Variants in LHFPL2 observed in about 807,000 individuals in gnomAD.
LHFPL2 encodes the protein LHFPL tetraspan subfamily member 2, also known as LHFPL tetraspan subfamily member 2 protein.
A neutral mutation model predicts 17.5 loss-of-function variants in LHFPL2; 7 were observed. That is an observed-to-expected ratio of 0.40 (90% CI 0.23 to 0.75). The LOEUF (loss-of-function observed/expected upper bound fraction) is 0.75. Among genes scored for constraint, LHFPL2 ranks in the 30% least tolerant of loss-of-function variants. The probability of loss-of-function intolerance (pLI) is 0.37; values close to 1 mark genes in which losing one functional copy is unlikely to be tolerated. For synonymous variants in LHFPL2, 134 were observed against 116.2 expected (o/e 1.15, Z -0.99); for missense variants, 241 against 294.8 (o/e 0.82, Z 1.34).
chr5:78,604,276 G>A (rs996601364), intron 2 of LHFPL2, among the ~76,000 whole-genome samples: 4 of 151,930 alleles, frequency 2.6e-5, no homozygotes, highest in African/African-American at 4.8e-5. Flanking sequence ...TCAGAAGTTC[G>A]ACACCAGCCT....
chr5:78,591,584 C>G (rs1743628021), intron 2 of LHFPL2, among the ~76,000 whole-genome samples: 1 of 152,178 alleles, frequency 6.6e-6, no homozygotes, highest in East Asian at 1.9e-4. Context: ...CCGAGGCCAA[C>G]TCTGAGAAAA....
chr5:78,642,603 G>A (rs989669444), intron 1 of LHFPL2, among the ~76,000 whole-genome samples: 12 of 152,244 alleles, frequency 7.9e-5, no homozygotes, highest in Non-Finnish European at 1.5e-4. Context: ...AACACGCCAA[G>A]CAAGAGAGGG....
chr5:78,596,715 C>T (rs375231560), intron 2 of LHFPL2, among the ~76,000 whole-genome samples: 9 of 152,164 alleles, frequency 5.9e-5, no homozygotes, highest in African/African-American at 2.2e-4. Context: ...CAGCTAGGAA[C>T]CCAGAAAAGC....
chr5:78,515,242 A>T (rs7730100), intron 3 of LHFPL2, among the ~76,000 whole-genome samples: 62,037 of 123,102 alleles, frequency 0.5, 13,273 homozygotes, highest in African/African-American at 0.62. Flanking sequence ...TTTAGTCAAG[A>T]ATAGTCTTCC....
At chr5:78,562,699 A>AAT (rs762749238) in intron 3 of LHFPL2, among the ~76,000 whole-genome samples, 17 of 152,136 alleles carry the variant, frequency 1.1e-4, no homozygotes, top group Non-Finnish European at 1.9e-4. Flanking sequence ...CAATTAACTC[A>AAT]GAATGTCTGT....
chr5:78,490,475 A>G (rs938664857), intron 4 of LHFPL2, among the ~76,000 whole-genome samples: 2 of 152,068 alleles, frequency 1.3e-5, no homozygotes, highest in African/African-American at 4.8e-5. Context: ...TCTTTAGGCC[A>G]GGTGCAGTGG....
At chr5:78,646,564 T>C (rs961840783) in intron 1 of LHFPL2, among the ~76,000 whole-genome samples, 2 of 152,344 alleles carry the variant, frequency 1.3e-5, no homozygotes, top group African/African-American at 4.8e-5. Flanking sequence ...GGGAGCCCAA[T>C]AGCCCAAATT....
intron 2 of LHFPL2, among the ~76,000 whole-genome samples, chr5:78,618,521 G>A (rs1201017129): frequency 6.6e-6 from 1 of 152,218 alleles, no homozygotes; most frequent in Non-Finnish European, 1.5e-5. Context: ...AACATCCACT[G>A]AAGCGCCCAG....
intron 1 of LHFPL2, among the ~76,000 whole-genome samples, chr5:78,636,168 G>A (rs1745442752): frequency 6.6e-6 from 1 of 152,130 alleles, no homozygotes; most frequent in Non-Finnish European, 1.5e-5. Context: ...CTTGAAGAGT[G>A]CCCCACACTC....
chr5:78,531,332 T>C (rs1378036959), intron 3 of LHFPL2, among the ~76,000 whole-genome samples: 1 of 151,598 alleles, frequency 6.6e-6, no homozygotes, highest in Non-Finnish European at 1.5e-5. Context: ...GGAGAATCGC[T>C]TGAATCCACG....
At chr5:78,593,605 C>T (rs538400296) in intron 2 of LHFPL2, among the ~76,000 whole-genome samples, 1 of 152,118 alleles carries the variant, frequency 6.6e-6, no homozygotes, top group Non-Finnish European at 1.5e-5. Flanking sequence ...AACAGGTGAG[C>T]GTACTAAATC....
intron 2 of LHFPL2, among the ~76,000 whole-genome samples, chr5:78,580,096 C>T (rs1476909584): frequency 6.6e-6 from 1 of 152,032 alleles, no homozygotes; most frequent in Non-Finnish European, 1.5e-5. Flanking sequence ...TCTCTGATGG[C>T]CAGTGATGGT....
chr5:78,589,859 G>A (rs889854969), intron 2 of LHFPL2, among the ~76,000 whole-genome samples: 1 of 152,268 alleles, frequency 6.6e-6, no homozygotes, highest in South Asian at 2.1e-4. Flanking sequence ...TGCATGAATG[G>A]TGGCCATCCA....
rs560282445 is a variant in LHFPL2 at position 78,588,265 on chromosome 5, G to C, written c.-244-23394C>G. ...AGCTCACTGCTGCCTGCAACTCCTG[G>C]GATCAAGTGATCTTCCTGCCTCAGC... is the stretch of plus-strand genomic sequence containing the variant. On this transcript the variant is annotated intron_variant, in intron 2 of 4. Transcript: ENST00000380345. 1.8e-4 allele frequency among the ~76,000 whole-genome samples: 27 copies of C among 152,076 alleles called. No individual in the cohort carries two copies. In the South Asian group the frequency reaches 2.9e-3, roughly 16 times the overall value.
At chr5:78,489,613 G>C (rs908336708) in intron 4 of LHFPL2, among the ~76,000 whole-genome samples, 1 of 152,116 alleles carries the variant, frequency 6.6e-6, no homozygotes, top group South Asian at 2.1e-4. Flanking sequence ...GCCCAGGCTG[G>C]TCTCAAACTC....
intron 1 of LHFPL2, among the ~76,000 whole-genome samples, chr5:78,645,757 C>T (rs956370632): frequency 2.0e-5 from 3 of 152,062 alleles, no homozygotes; most frequent in Non-Finnish European, 4.4e-5. Context: ...TAATTTTTGT[C>T]TTTTTAGTAG....
intron 3 of LHFPL2, among the ~76,000 whole-genome samples, chr5:78,538,222 C>T (rs1756006736): frequency 6.6e-6 from 1 of 152,242 alleles, no homozygotes; most frequent in African/African-American, 2.4e-5. Context: ...GTGAGACACA[C>T]TTGCTGCTCC....
In LHFPL2 at chr5:78,564,795, G is replaced by C. The variant is rs974409023; in HGVS notation, c.-186+18C>G. Reference sequence around the variant, plus strand: ...AAATAATCACCAACAATAAGGTCATGTGATTTCATTTACTTACCTATTTAT... The same window carrying C: ...AAATAATCACCAACAATAAGGTCATCTGATTTCATTTACTTACCTATTTAT... On this transcript the variant is annotated intron_variant, in intron 3 of 4. Transcript: ENST00000380345. The C allele has an allele frequency of 1.3e-5, 2 of 152,222 alleles. No individual in the cohort carries two copies. Among genetic ancestry groups the C allele is most frequent in the Non-Finnish European group, 2.9e-5 (2 of 68,050 alleles). The allele number at this position is 152,222 out of a possible 1,614,324, so 9.4% of individuals were successfully genotyped here.
chr5:78,497,426 T>G (rs1488354789), intron 4 of LHFPL2, among the ~76,000 whole-genome samples: 2 of 152,098 alleles, frequency 1.3e-5, no homozygotes, highest in Non-Finnish European at 2.9e-5. Flanking sequence ...CACACTACCT[T>G]TTAACATACT....
Sources: allele counts gnomAD v4.1 joint callset (sites outside exome capture counted in the v4.1 genomes callset), GRCh38; gene constraint gnomAD v4.1.1; transcripts MANE v1.5; gene names NCBI Gene and HGNC (gene_info 2026-07-23, HGNC 2026-07-21).